Variants in TANC2 observed in about 807,000 individuals in gnomAD.
TANC2 encodes the protein protein TANC2.
In TANC2, 26 loss-of-function variants were observed where a neutral mutation model predicts 210.5. That is an observed-to-expected ratio of 0.12 (90% CI 0.09 to 0.17). The LOEUF (loss-of-function observed/expected upper bound fraction) is 0.17. TANC2 is among the 10% of genes least tolerant of loss of function. TANC2 has a pLI of 1.00. For synonymous variants in TANC2, 931 were observed against 967.1 expected (o/e 0.96, Z 0.69); for missense variants, 2,129 against 2,608.9 (o/e 0.82, Z 4.01).
At chr17:63,016,030 T>G (rs1479895012) in intron 2 of TANC2, among the ~76,000 whole-genome samples, 1 of 152,054 alleles carries the variant, frequency 6.6e-6, no homozygotes, top group African/African-American at 2.4e-5. Flanking sequence ...TTCAGAAAGA[T>G]TAGTATCATA....
At chr17:63,144,213 CTA>C (rs2039387800) in intron 4 of TANC2, among the ~76,000 whole-genome samples, 3 of 151,956 alleles carry the variant, frequency 2.0e-5, no homozygotes, top group Admixed American at 6.6e-5. Context: ...AATGGTGAAA[CTA>C]TGTAATGTTG....
At chr17:63,006,437 A>G (rs1055880512) in intron 1 of TANC2, among the ~76,000 whole-genome samples, 3 of 152,102 alleles carry the variant, frequency 2.0e-5, no homozygotes, top group African/African-American at 7.2e-5. Context: ...GTTTTATCCT[A>G]TGAGTTCCCA....
intron 12 of TANC2, among the ~76,000 whole-genome samples, chr17:63,347,637 G>A (rs2146848860): frequency 1.3e-5 from 2 of 152,214 alleles, no homozygotes; most frequent in Admixed American, 1.3e-4. Flanking sequence ...GTACTTTAAA[G>A]TTCCACAAGT....
At chr17:63,208,076 TTTTCC>T (rs1267986414) in intron 7 of TANC2, among the ~76,000 whole-genome samples, 1 of 152,150 alleles carries the variant, frequency 6.6e-6, no homozygotes, top group Non-Finnish European at 1.5e-5. Flanking sequence ...GTGATTTTTC[TTTTCC>T]TTACAGATTT....
At chr17:63,034,968 G>A (rs2034914097) in intron 2 of TANC2, among the ~76,000 whole-genome samples, 1 of 152,110 alleles carries the variant, frequency 6.6e-6, no homozygotes, top group Admixed American at 6.6e-5. Flanking sequence ...ACAGTGCCAG[G>A]GTTTGAAAGG....
chr17:63,377,731 C>T (rs2047470211), intron 14 of TANC2, among the ~76,000 whole-genome samples: 1 of 152,206 alleles, frequency 6.6e-6, no homozygotes, highest in African/African-American at 2.4e-5. Context: ...ACCCTACTCT[C>T]TGCAGTACCA....
chr17:63,304,499 C>T (rs974346535), intron 9 of TANC2, among the ~76,000 whole-genome samples: 11 of 152,142 alleles, frequency 7.2e-5, no homozygotes, highest in Non-Finnish European at 1.6e-4. Flanking sequence ...GACCTGATGC[C>T]AGTAGGAACG....
chr17:63,269,486 T>A (rs1391392623), intron 9 of TANC2, among the ~76,000 whole-genome samples: 1 of 152,174 alleles, frequency 6.6e-6, no homozygotes, highest in Non-Finnish European at 1.5e-5. Flanking sequence ...CAGATTTGAT[T>A]GAAAATCTGC....
chr17:63,185,994 T>A (rs78291167), intron 5 of TANC2, among the ~76,000 whole-genome samples: 11,576 of 152,256 alleles, frequency 0.076, 1,383 homozygotes, highest in African/African-American at 0.25. Flanking sequence ...TTTACCTAGT[T>A]CTAGGTCATA....
intron 8 of TANC2, among the ~76,000 whole-genome samples, chr17:63,262,564 G>C (rs1229135493): frequency 6.6e-6 from 1 of 151,640 alleles, no homozygotes; most frequent in Non-Finnish European, 1.5e-5. Flanking sequence ...ATCTAGTCAG[G>C]GTTCTTTCCC....
intron 16 of TANC2, 68 bp downstream of exon 16, chr17:63,388,825 TTAAG>T: frequency 8.2e-7 from 1 of 1,219,618 alleles, no homozygotes; most frequent in Non-Finnish European, 1.1e-6. Context: ...TAGAAGGACA[TTAAG>T]TAGCTATTTA....
chr17:63,105,260 G>A (rs1019049312), intron 4 of TANC2, among the ~76,000 whole-genome samples: 1 of 151,602 alleles, frequency 6.6e-6, no homozygotes, highest in Non-Finnish European at 1.5e-5. Flanking sequence ...ATGACCATGT[G>A]GCAATCCAAT....
rs183789370 is a variant in TANC2, at chr17:63,423,182, G to A, written c.*1227G>A. ...AACTGTTTCTTTTCTTTTTCTAGGAGTGTTTATGAGAGTGTGATATTTTAA... is the reference window on the plus strand; with the variant it reads ...AACTGTTTCTTTTCTTTTTCTAGGAATGTTTATGAGAGTGTGATATTTTAA... On this transcript the variant is annotated 3_prime_UTR_variant, in exon 28 of 28. Coordinates refer to ENST00000689528, the Ensembl canonical transcript of TANC2. 7.9e-4 allele frequency: 120 copies of A among 152,262 alleles called. 1 individual carries two copies. The highest frequency in any genetic ancestry group is 2.8e-3 in the African/African-American group (118 of 41,534). 9.4% of individuals were successfully genotyped at this position (152,262 alleles called of 1,614,324 possible).
At chr17:63,092,061 GCA>G (rs1339053459) in intron 3 of TANC2, among the ~76,000 whole-genome samples, 3 of 152,016 alleles carry the variant, frequency 2.0e-5, no homozygotes, top group African/African-American at 7.2e-5. Context: ...TAATTTTTGT[GCA>G]CACATCAGAA....
At chr17:63,193,328 T>G (rs937365969) in intron 5 of TANC2, among the ~76,000 whole-genome samples, 3 of 152,176 alleles carry the variant, frequency 2.0e-5, no homozygotes, top group Non-Finnish European at 2.9e-5. Flanking sequence ...AGATGGAACT[T>G]GAGTTCAGTA....
intron 9 of TANC2, among the ~76,000 whole-genome samples, chr17:63,307,053 A>G (rs1246879416): frequency 6.6e-6 from 1 of 152,218 alleles, no homozygotes; most frequent in Non-Finnish European, 1.5e-5. Flanking sequence ...GGAAGGCCAG[A>G]AGAGCTGGGG....
intron 21 of TANC2, among the ~76,000 whole-genome samples, chr17:63,409,305 C>T (rs1028464360): frequency 6.6e-6 from 1 of 151,924 alleles, no homozygotes; most frequent in African/African-American, 2.4e-5. Flanking sequence ...CCATCTCAGC[C>T]TTCCTAGTAG....
chr17:62,971,996 T>G (rs2031724537), intron 1 of TANC2, among the ~76,000 whole-genome samples: 1 of 152,212 alleles, frequency 6.6e-6, no homozygotes, highest in African/African-American at 2.4e-5. Context: ...TTTGCGTATT[T>G]AAGATTCAAG....
intron 7 of TANC2, among the ~76,000 whole-genome samples, chr17:63,213,010 A>T (rs906904574): frequency 1.3e-5 from 2 of 152,222 alleles, no homozygotes; most frequent in African/African-American, 4.8e-5. Context: ...GTCACCCTTG[A>T]TATAATTCTA....
Sources: allele counts gnomAD v4.1 joint callset (sites outside exome capture counted in the v4.1 genomes callset), GRCh38; gene constraint gnomAD v4.1.1; transcripts MANE v1.5; gene names NCBI Gene and HGNC (gene_info 2026-07-23, HGNC 2026-07-21).